Variants in SHISA9 observed in about 807,000 individuals in gnomAD.
SHISA9 encodes shisa family member 9.
In SHISA9, 13 loss-of-function variants were observed where a neutral mutation model predicts 38.0. The observed-to-expected ratio is 0.34, with a 90% CI of 0.22 to 0.54. The LOEUF is 0.54. Ranked by LOEUF, SHISA9 falls within the 20% of genes least tolerant of loss-of-function variation. SHISA9 has a pLI of 0.91. For missense variants in SHISA9, 538 were observed against 575.8 expected, an observed-to-expected ratio of 0.93 and a Z score of 0.67; for synonymous variants, 275 against 242.0, an observed-to-expected ratio of 1.14 and a Z score of -1.27.
chr16:13,464,149 C>T, the SHISA9 span, among the ~76,000 whole-genome samples: 1 of 152,182 alleles, frequency 6.6e-6, no homozygotes, highest in South Asian at 2.1e-4. Flanking sequence ...AACTCTGTGA[C>T]TTTCTTTATA....
At chr16:12,934,726 A>T in intron 2 of SHISA9, among the ~76,000 whole-genome samples, 1 of 152,220 alleles carries the variant, frequency 6.6e-6, no homozygotes, top group Non-Finnish European at 1.5e-5. Flanking sequence ...TACCAAAGGA[A>T]GTGAAAGCCA....
At chr16:13,267,657 T>C in the SHISA9 span, among the ~76,000 whole-genome samples, 1 of 152,066 alleles carries the variant, frequency 6.6e-6, no homozygotes, top group Non-Finnish European at 1.5e-5. Flanking sequence ...GGAGGAAAGG[T>C]TAGGTAAATG....
chr16:13,244,088 G>A (rs1052246162), downstream of SHISA9, among the ~76,000 whole-genome samples: 1 of 152,030 alleles, frequency 6.6e-6, no homozygotes, highest in African/African-American at 2.4e-5. Context: ...TAACAGCCAT[G>A]GGCTACTATG....
At chr16:13,501,115 A>G in the SHISA9 span, among the ~76,000 whole-genome samples, 3 of 152,214 alleles carry the variant, frequency 2.0e-5, no homozygotes, top group African/African-American at 7.2e-5. Flanking sequence ...CTAGAACTGT[A>G]GTTTTCAACC....
At chr16:13,333,024 C>T in the SHISA9 span, among the ~76,000 whole-genome samples, 2 of 152,214 alleles carry the variant, frequency 1.3e-5, no homozygotes, top group African/African-American at 2.4e-5. Flanking sequence ...CTTCTTCTCT[C>T]AGCAAGGGGT....
the SHISA9 span, among the ~76,000 whole-genome samples, chr16:13,267,086 T>C: frequency 6.6e-6 from 1 of 152,186 alleles, no homozygotes; most frequent in Non-Finnish European, 1.5e-5. Flanking sequence ...ATGTAGTTGA[T>C]TGTATTTTTA....
intron 4 of SHISA9, among the ~76,000 whole-genome samples, chr16:13,216,649 G>A (rs576896444): frequency 6.6e-6 from 1 of 152,224 alleles, no homozygotes; most frequent in South Asian, 2.1e-4. Flanking sequence ...ATAGGGCGTG[G>A]GCAGAGAAGT....
At chr16:13,013,426 A>G (rs1212024562) in intron 2 of SHISA9, among the ~76,000 whole-genome samples, 1 of 152,172 alleles carries the variant, frequency 6.6e-6, no homozygotes, top group Non-Finnish European at 1.5e-5. Flanking sequence ...TCTGCCTGGA[A>G]CATGTGGCTG....
intron 2 of SHISA9, among the ~76,000 whole-genome samples, chr16:13,145,996 T>G (rs2050443999): frequency 6.6e-6 from 1 of 152,222 alleles, no homozygotes; most frequent in Admixed American, 6.5e-5. Flanking sequence ...GAGACCAACC[T>G]GGCCAACATG....
At chr16:12,916,574 T>C (rs1880626379) in intron 1 of SHISA9, 114 bp from the exon 2 acceptor site, 9 of 1,253,546 alleles carry the variant, frequency 7.2e-6, no homozygotes, top group Non-Finnish European at 9.7e-6. Context: ...ACTAGAATGG[T>C]GGCTCCATGG....
the SHISA9 span, among the ~76,000 whole-genome samples, chr16:13,379,070 C>G: frequency 6.7e-6 from 1 of 150,200 alleles, no homozygotes; most frequent in African/African-American, 2.4e-5. Context: ...ATCCAGTAAG[C>G]CCTACCCTCT....
chr16:13,463,718 G>A, the SHISA9 span, among the ~76,000 whole-genome samples: 1 of 152,146 alleles, frequency 6.6e-6, no homozygotes, highest in Non-Finnish European at 1.5e-5. Flanking sequence ...GTTGTGGCTG[G>A]GACAGGACTG....
chr16:13,042,141 T>C (rs2073139186), intron 2 of SHISA9, among the ~76,000 whole-genome samples: 1 of 152,178 alleles, frequency 6.6e-6, no homozygotes, highest in Non-Finnish European at 1.5e-5. Flanking sequence ...AGCTGTTCCC[T>C]GATCTGTTGG....
chr16:13,050,644 T>C (rs1447913139), intron 2 of SHISA9, among the ~76,000 whole-genome samples: 1 of 152,214 alleles, frequency 6.6e-6, no homozygotes, highest in African/African-American at 2.4e-5. Flanking sequence ...TTTATAATTG[T>C]TTATAGTACA....
chr16:13,267,929 T>C, the SHISA9 span, among the ~76,000 whole-genome samples: 5 of 151,722 alleles, frequency 3.3e-5, no homozygotes, highest in Non-Finnish European at 7.4e-5. Flanking sequence ...GAATAGACAT[T>C]TCTGTGACGA....
At chr16:13,082,583 G>T (rs1297182021) in intron 2 of SHISA9, 2 of 152,208 alleles carry the variant, frequency 1.3e-5, no homozygotes, top group African/African-American at 2.4e-5. Context: ...AATGGGATCA[G>T]TGTCTGGGAG....
chr16:13,368,352 C>A, the SHISA9 span, among the ~76,000 whole-genome samples: 1 of 152,076 alleles, frequency 6.6e-6, no homozygotes, highest in African/African-American at 2.4e-5. Flanking sequence ...ACAGACTAAC[C>A]TTACATGTTC....
chr16:13,529,455 C>T, the SHISA9 span, among the ~76,000 whole-genome samples: 1 of 152,334 alleles, frequency 6.6e-6, no homozygotes, highest in East Asian at 1.9e-4. Flanking sequence ...TAAATCTCCA[C>T]TTCAAGATAT....
chr16:12,965,468 A>G (rs982081263), intron 2 of SHISA9, among the ~76,000 whole-genome samples: 1 of 152,198 alleles, frequency 6.6e-6, no homozygotes, highest in Admixed American at 6.5e-5. Flanking sequence ...TTGGGCACCT[A>G]TCGTGTGGGA....
Sources: gnomAD v4.1 joint callset for allele counts (sites outside exome capture counted in the v4.1 genomes callset) on GRCh38, gnomAD v4.1.1 for gene constraint, MANE v1.5 for transcripts, NCBI Gene and HGNC (gene_info 2026-07-23, HGNC 2026-07-21) for gene names.